The following AP3S2 variants were observed in gnomAD, a reference collection of about 807,000 sequenced individuals.
AP3S2 encodes adaptor related protein complex 3 subunit sigma 2, also known as AP-3 complex subunit sigma-2.
AP3S2 carries 22 observed loss-of-function variants against 23.4 expected under a neutral mutation model. That is an observed-to-expected ratio of 0.94 (90% CI 0.67 to 1.34). The LOEUF is 1.34. Ranked by LOEUF, AP3S2 falls within the 40% of genes most tolerant of loss-of-function variation. The probability of loss-of-function intolerance (pLI) is 0.00; values close to 1 mark genes in which losing one functional copy is unlikely to be tolerated. For synonymous variants in AP3S2, 86 were observed against 87.1 expected, an observed-to-expected ratio of 0.99 and a Z score of 0.07; for missense variants, 241 against 236.9, an observed-to-expected ratio of 1.02 and a Z score of -0.11.
intron 4 of AP3S2, among the ~76,000 whole-genome samples, chr15:89,850,143 T>C (rs1726723254): frequency 6.6e-6 from 1 of 152,240 alleles, no homozygotes; most frequent in Non-Finnish European, 1.5e-5. Context: ...AAAGCAACTT[T>C]GCTTTGTAAA....
chr15:89,837,722 C>A lies in AP3S2; in HGVS notation c.346G>T (p.Val116Leu), dbSNP rs767478842. The part of the protein sequence containing the change: ...ELDLIFHMDK[V>L]HYILQEVVMG... ...ACCACCTCCTGGAGGATGTAGTGCA[C>A]CTAAAAGGGAAGCAAAAATCAGGAG... The change falls in exon 5 of 6, where the codon GTG (valine) becomes TTG (leucine). Residue 116 changes from valine (V) to leucine (L), a missense_variant and splice_region_variant. Val to Leu is a conservative substitution (Grantham distance 32). Transcript: ENST00000336418. 6 of 1,613,908 alleles carry A rather than the reference C, an allele frequency of 3.7e-6. No individual in the cohort carries two copies. In the Admixed American group the frequency reaches 8.3e-5, roughly 22 times the overall value.
At chr15:89,885,307 GC>G (rs1896671224) in intron 3 of AP3S2, among the ~76,000 whole-genome samples, 1 of 151,782 alleles carries the variant, frequency 6.6e-6, no homozygotes, top group Admixed American at 6.6e-5. Context: ...TGATTCTCAT[GC>G]CTTGGCTACC....
rs2141829627 is a variant in AP3S2, at chr15:89,834,030, GTA to G, written c.*1483_*1484del. 1 of 152,432 alleles carries G rather than the reference GTA, an allele frequency of 6.6e-6. No homozygotes were observed. The highest frequency in any genetic ancestry group is 2.1e-4 in the South Asian group (1 of 4,834). The allele number at this position is 152,432 out of a possible 1,614,324, so 9.4% of individuals were successfully genotyped here. A position where few individuals can be genotyped will look rare whatever the true frequency, so the allele number is the denominator to read the frequency against. Reference sequence around the variant, plus strand: ...CACCTGAGATCTAGCCCATGCGACAGTATGGAAGCAGGAGGCCCTACTCCACC... The same window carrying G: ...CACCTGAGATCTAGCCCATGCGACAGTGGAAGCAGGAGGCCCTACTCCACC... On this transcript the variant is annotated 3_prime_UTR_variant, in exon 6 of 6. Coordinates refer to ENST00000336418, the MANE Select transcript of AP3S2 (RefSeq NM_005829.5).
intron 4 of AP3S2, among the ~76,000 whole-genome samples, chr15:89,869,324 A>T (rs966882447): frequency 7.4e-5 from 11 of 148,356 alleles, no homozygotes; most frequent in African/African-American, 2.8e-4. Context: ...GGTTAAATGG[A>T]TTAAGGGCGG....
At chr15:89,868,258 T>G (rs1261131120) in intron 4 of AP3S2, among the ~76,000 whole-genome samples, 2 of 41,468 alleles carry the variant, frequency 4.8e-5, no homozygotes, top group East Asian at 9.2e-4. Flanking sequence ...GTCTGGGAGG[T>G]GAGGGGCGCC....
intron 4 of AP3S2, among the ~76,000 whole-genome samples, chr15:89,860,608 C>T (rs755493455): frequency 2.6e-5 from 4 of 152,162 alleles, no homozygotes; most frequent in Non-Finnish European, 5.9e-5. Flanking sequence ...CTGTGCATAA[C>T]TGGAACTACA....
chr15:89,835,872 A>T (rs762729044), intron 5 of AP3S2, among the ~76,000 whole-genome samples: 2 of 152,068 alleles, frequency 1.3e-5, no homozygotes, highest in African/African-American at 2.4e-5. Flanking sequence ...TACCAAAAAT[A>T]CAAAAATTGG....
chr15:89,863,305 C>G (rs17241302), intron 4 of AP3S2, among the ~76,000 whole-genome samples: 65,360 of 151,854 alleles, frequency 0.43, 14,403 homozygotes, highest in East Asian at 0.6. Flanking sequence ...TCAAGTTCAC[C>G]TTGCATGAGA....
In AP3S2 at chr15:89,833,413, G is replaced by A. The variant is rs777212864; in HGVS notation, c.*2102C>T. On this transcript the variant is annotated 3_prime_UTR_variant, in exon 6 of 6. Transcript: ENST00000336418. Reference sequence around the variant, plus strand: ...GGAAAGAAAAGGACAGTGGAGTCAAGTGAACAGTCTCAGATCTCAGCCCCG... The same window carrying A: ...GGAAAGAAAAGGACAGTGGAGTCAAATGAACAGTCTCAGATCTCAGCCCCG... 1 of 152,228 alleles carries A rather than the reference G, an allele frequency of 6.6e-6. No homozygotes were observed. Among genetic ancestry groups the A allele is most frequent in the Non-Finnish European group, 1.5e-5 (1 of 68,044 alleles). 9.4% of individuals were successfully genotyped at this position (152,228 alleles called of 1,614,324 possible).
At chr15:89,841,392 A>C (rs1430617779) in intron 4 of AP3S2, among the ~76,000 whole-genome samples, 1 of 152,226 alleles carries the variant, frequency 6.6e-6, no homozygotes, top group Non-Finnish European at 1.5e-5. Context: ...GCTTCACAGA[A>C]GAAAAAGAAG....
At chr15:89,873,342 T>C (rs2141883843) in intron 3 of AP3S2, among the ~76,000 whole-genome samples, 1 of 151,634 alleles carries the variant, frequency 6.6e-6, no homozygotes, top group African/African-American at 2.4e-5. Context: ...TGAAGTGCAG[T>C]GCCACGATCT....
At chr15:89,887,382 T>G (rs370657908) in intron 3 of AP3S2, among the ~76,000 whole-genome samples, 1 of 152,022 alleles carries the variant, frequency 6.6e-6, no homozygotes, top group Non-Finnish European at 1.5e-5. Flanking sequence ...TATTATTATT[T>G]TTTTTTTGAG....
intron 3 of AP3S2, among the ~76,000 whole-genome samples, chr15:89,872,116 CA>C (rs71151540): frequency 0.71 from 90,951 of 128,654 alleles, 30,453 homozygotes; most frequent in East Asian, 0.79. Flanking sequence ...GAGAGTCTCT[CA>C]AAAAAAAAAA....
chr15:89,869,501 T>C (rs1596209711), intron 4 of AP3S2, among the ~76,000 whole-genome samples: 1 of 138,166 alleles, frequency 7.2e-6, no homozygotes, highest in African/African-American at 2.7e-5. Flanking sequence ...CTGCTGACCT[T>C]CCCTCCACTA....
In AP3S2 at chr15:89,832,620, C is replaced by G. The variant is rs1416306581; in HGVS notation, c.*2895G>C. On this transcript the variant is annotated 3_prime_UTR_variant, in exon 6 of 6. Transcript: ENST00000336418. ...TCTCCTGCCGCAGCCTCCTGAGTAG[C>G]TGGGACTACAGGTGTCCACTACCAC... 2 of 151,370 alleles carry G rather than the reference C, an allele frequency of 1.3e-5. No homozygotes were observed. Among genetic ancestry groups the G allele is most frequent in the African/African-American group, 2.4e-5 (1 of 41,134 alleles). The allele number at this position is 151,370 out of a possible 1,614,324, so 9.4% of individuals were successfully genotyped here. A position where few individuals can be genotyped will look rare whatever the true frequency, so the allele number is the denominator to read the frequency against.
intron 3 of AP3S2, among the ~76,000 whole-genome samples, chr15:89,878,812 T>C (rs962734349): frequency 6.6e-6 from 1 of 152,210 alleles, no homozygotes; most frequent in Non-Finnish European, 1.5e-5. Flanking sequence ...AGTGGCATGA[T>C]CTCGGCTCGC....
At chr15:89,891,001 C>T (rs925285161) in intron 1 of AP3S2, among the ~76,000 whole-genome samples, 2 of 152,142 alleles carry the variant, frequency 1.3e-5, no homozygotes, top group African/African-American at 4.8e-5. Context: ...CTGTAGGAGA[C>T]GAACTCTATA....
At chr15:89,877,273 T>G in intron 3 of AP3S2, 332 of 1,286,394 alleles carry the variant, frequency 2.6e-4, no homozygotes, top group Non-Finnish European at 3.2e-4. Context: ...ATCTTCAACG[T>G]GAGAAATGGA....
chr15:89,870,490 T>C (rs1159123575), intron 4 of AP3S2, among the ~76,000 whole-genome samples: 1 of 152,140 alleles, frequency 6.6e-6, no homozygotes, highest in East Asian at 1.9e-4. Flanking sequence ...TTTACTCCAT[T>C]CTAATGTCAT....
Sources: gnomAD v4.1 joint callset for allele counts (sites outside exome capture counted in the v4.1 genomes callset) on GRCh38, gnomAD v4.1.1 for gene constraint, MANE v1.5 for transcripts, NCBI Gene and HGNC (gene_info 2026-07-23, HGNC 2026-07-21) for gene names.